Variants in FGF12 observed in about 807,000 individuals in gnomAD.
FGF12 encodes the protein fibroblast growth factor 12B.
A neutral mutation model predicts 23.6 loss-of-function variants in FGF12; 14 were observed. The ratio of observed to expected loss-of-function variants is 0.59; its 90% CI spans 0.39 to 0.93. FGF12 has a LOEUF of 0.93. FGF12 is among the 40% of genes least tolerant of loss of function. The pLI, the probability that FGF12 is intolerant of heterozygous loss-of-function variation, is 0.00. For missense variants in FGF12, 175 were observed against 217.8 expected, an observed-to-expected ratio of 0.80 and a Z score of 1.24; for synonymous variants, 62 against 77.3, an observed-to-expected ratio of 0.80 and a Z score of 1.04.
intron 4 of FGF12, among the ~76,000 whole-genome samples, chr3:192,218,351 A>C (rs531226178): frequency 2.4e-4 from 36 of 152,018 alleles, no homozygotes; most frequent in African/African-American, 7.7e-4. Context: ...CCTAAATCTC[A>C]TGTCTAATTG....
chr3:192,710,847 C>T (rs1038079956), intron 2 of FGF12, among the ~76,000 whole-genome samples: 20 of 152,252 alleles, frequency 1.3e-4, no homozygotes, highest in East Asian at 5.8e-4. Context: ...AACATTTCTA[C>T]GGATTTCCAA....
intron 2 of FGF12, among the ~76,000 whole-genome samples, chr3:192,508,262 A>C (rs975328337): frequency 6.6e-6 from 1 of 152,248 alleles, no homozygotes; most frequent in Admixed American, 6.5e-5. Context: ...AAAAAGTCAC[A>C]GTATCTTTCT....
intron 2 of FGF12, among the ~76,000 whole-genome samples, chr3:192,375,063 G>T (rs551942842): frequency 6.6e-6 from 1 of 152,162 alleles, no homozygotes; most frequent in African/African-American, 2.4e-5. Context: ...AGTACCTACT[G>T]CCCTTTGTGT....
intron 2 of FGF12, among the ~76,000 whole-genome samples, chr3:192,482,404 C>A (rs1248450316): frequency 6.6e-6 from 1 of 152,066 alleles, no homozygotes; most frequent in Admixed American, 6.6e-5. Context: ...GAGGCCAAGG[C>A]AGGAAGATCG....
In FGF12 at chr3:192,422,106, A is replaced by G. The variant is rs1721550364; in HGVS notation, c.14-61568T>C. Among the ~76,000 whole-genome samples, 5 of 151,976 alleles carry G rather than the reference A, an allele frequency of 3.3e-5. 1 individual carries two copies. Among genetic ancestry groups the G allele is most frequent in the Admixed American group, 3.3e-4 (5 of 15,248 alleles). ...CTATATAGATAAGAAATCTTAGATA[A>G]CTGTTGGTGAACAGTTTTGTAATAA... On this transcript the variant is annotated intron_variant, in intron 2 of 5. Transcript: ENST00000445105.
At chr3:192,260,542 C>A (rs1037962387) in intron 4 of FGF12, among the ~76,000 whole-genome samples, 2 of 152,210 alleles carry the variant, frequency 1.3e-5, no homozygotes, top group African/African-American at 4.8e-5. Context: ...TTACACAAAT[C>A]TCCATATGCA....
chr3:192,547,262 A>G (rs189124343), intron 2 of FGF12, among the ~76,000 whole-genome samples: 1 of 152,294 alleles, frequency 6.6e-6, no homozygotes, highest in Admixed American at 6.5e-5. Context: ...TCTCTCTCCC[A>G]GTGTAAATGT....
At chr3:192,200,341 C>T (rs1291430212) in intron 4 of FGF12, among the ~76,000 whole-genome samples, 3 of 151,152 alleles carry the variant, frequency 2.0e-5, no homozygotes, top group Non-Finnish European at 4.4e-5. Context: ...AAAAAAAAGG[C>T]AATAGAAATT....
chr3:192,474,428 A>C (rs1271151961), intron 2 of FGF12, among the ~76,000 whole-genome samples: 2 of 152,124 alleles, frequency 1.3e-5, no homozygotes, highest in Non-Finnish European at 2.9e-5. Flanking sequence ...CAATTATAGC[A>C]CCTCATTTTC....
intron 2 of FGF12, among the ~76,000 whole-genome samples, chr3:192,428,141 C>A (rs1329135877): frequency 6.6e-6 from 1 of 152,186 alleles, no homozygotes; most frequent in Non-Finnish European, 1.5e-5. Context: ...CTCCGCCACC[C>A]AAGTCTGAAT....
At chr3:192,616,012 C>T (rs1026245176) in intron 2 of FGF12, among the ~76,000 whole-genome samples, 6 of 151,848 alleles carry the variant, frequency 4.0e-5, no homozygotes, top group African/African-American at 1.5e-4. Flanking sequence ...AAAAATTCTA[C>T]AATAATTATT....
intron 2 of FGF12, among the ~76,000 whole-genome samples, chr3:192,568,162 T>C (rs947132149): frequency 6.6e-6 from 1 of 152,170 alleles, no homozygotes; most frequent in African/African-American, 2.4e-5. Flanking sequence ...AGGACACTTG[T>C]CATTGGATTT....
In FGF12 at chr3:192,350,516, T is replaced by A. The variant is rs139647432; in HGVS notation, c.124+9912A>T. 3.0e-3 allele frequency among the ~76,000 whole-genome samples: 461 copies of A among 152,206 alleles called. 1 individual carries two copies. The highest frequency in any genetic ancestry group is 0.01 in the African/African-American group (434 of 41,530). Reference sequence around the variant, plus strand: ...GATAGGGACTGAGATGTATATAGATTAACTAGAAAAGATCTTTTTGAGAAA... The same window carrying A: ...GATAGGGACTGAGATGTATATAGATAAACTAGAAAAGATCTTTTTGAGAAA... On this transcript the variant is annotated intron_variant, in intron 3 of 5. Transcript: ENST00000445105.
At chr3:192,308,391 A>G (rs1162596433) in intron 4 of FGF12, among the ~76,000 whole-genome samples, 3 of 152,182 alleles carry the variant, frequency 2.0e-5, no homozygotes, top group Admixed American at 6.5e-5. Context: ...TTAAAATATC[A>G]AAGAGGCCAG....
At chr3:192,699,260 C>A (rs1188904078) in intron 2 of FGF12, among the ~76,000 whole-genome samples, 1 of 152,152 alleles carries the variant, frequency 6.6e-6, no homozygotes, top group Non-Finnish European at 1.5e-5. Context: ...GCAACTCTTT[C>A]ATTTTGTTAT....
At chr3:192,303,262 A>G (rs1715442933) in intron 4 of FGF12, among the ~76,000 whole-genome samples, 1 of 152,254 alleles carries the variant, frequency 6.6e-6, no homozygotes, top group South Asian at 2.1e-4. Context: ...AATGAAATGC[A>G]TCAACATCAG....
intron 4 of FGF12, among the ~76,000 whole-genome samples, chr3:192,223,168 C>T (rs1416038036): frequency 1.3e-5 from 2 of 152,090 alleles, no homozygotes; most frequent in African/African-American, 2.4e-5. Context: ...TTACTAGAGG[C>T]GCCTGAACAC....
Position 192,141,183 on chromosome 3 carries a change from C to A in FGF12, c.*2826G>T, listed in dbSNP as rs993982028. ...TATTTTACTTAAAAAGGAAAAGTGA[C>A]GAATGAATTGAAGACCCAGAAATCA... is the stretch of plus-strand genomic sequence containing the variant. On this transcript the variant is annotated 3_prime_UTR_variant, in exon 6 of 6. Transcript: ENST00000445105. 1.1e-5 allele frequency: 1 copy of A among 92,778 alleles called. No homozygotes were observed. 5.7% of individuals were successfully genotyped at this position (92,778 alleles called of 1,614,324 possible).
chr3:192,647,752 C>T (rs948238093), intron 2 of FGF12, among the ~76,000 whole-genome samples: 1 of 148,358 alleles, frequency 6.7e-6, no homozygotes, highest in African/African-American at 2.5e-5. Flanking sequence ...TATATATACA[C>T]ATATATATAT....
Sources: allele counts gnomAD v4.1 joint callset (sites outside exome capture counted in the v4.1 genomes callset), GRCh38; gene constraint gnomAD v4.1.1; transcripts MANE v1.5; gene names NCBI Gene and HGNC (gene_info 2026-07-23, HGNC 2026-07-21).